The following EPHB1 variants were observed in gnomAD, a reference collection of about 807,000 sequenced individuals.
The protein encoded by EPHB1 is ephrin type-B receptor 1.
Under a neutral mutation model 94.4 loss-of-function variants are expected in EPHB1, and 30 were observed. That is an observed-to-expected ratio of 0.32 (90% confidence interval 0.24 to 0.43). The LOEUF (loss-of-function observed/expected upper bound fraction) is 0.43. EPHB1 is among the 20% of genes least tolerant of loss of function. EPHB1 has a pLI of 1.00. For missense variants in EPHB1, 1,055 were observed against 1,308.3 expected, an observed-to-expected ratio of 0.81 and a Z score of 2.99; for synonymous variants, 522 against 489.1, an observed-to-expected ratio of 1.07 and a Z score of -0.89.
chr3:134,893,581 T>C (rs1315463223), intron 1 of EPHB1, among the ~76,000 whole-genome samples: 1 of 152,182 alleles, frequency 6.6e-6, no homozygotes. Context: ...GCTCTGGACT[T>C]GCCCTTGCCT....
intron 3 of EPHB1, among the ~76,000 whole-genome samples, chr3:134,980,052 T>A (rs995001913): frequency 2.6e-5 from 4 of 152,248 alleles, no homozygotes; most frequent in African/African-American, 9.6e-5. Flanking sequence ...ATGGTAGTTT[T>A]TGACAGGGCA....
chr3:134,898,594 C>T (rs1278731699), intron 1 of EPHB1, among the ~76,000 whole-genome samples: 1 of 152,164 alleles, frequency 6.6e-6, no homozygotes, highest in African/African-American at 2.4e-5. Context: ...GGCTTCGGCA[C>T]AATCTGTAGT....
At chr3:134,946,443 C>G (rs566612737) in intron 2 of EPHB1, among the ~76,000 whole-genome samples, 1 of 152,194 alleles carries the variant, frequency 6.6e-6, no homozygotes, top group African/African-American at 2.4e-5. Context: ...TATCATGAGG[C>G]CTTTGTACCT....
chr3:134,995,061 C>T (rs1275246344), intron 3 of EPHB1, among the ~76,000 whole-genome samples: 3 of 151,840 alleles, frequency 2.0e-5, no homozygotes, highest in Non-Finnish European at 2.9e-5. Flanking sequence ...GTATGACTAC[C>T]GCCATAGTCA....
intron 14 of EPHB1, 126 bp from the exon 15 acceptor site, chr3:135,249,210 G>C (rs1485361914): frequency 4.5e-6 from 5 of 1,121,610 alleles, no homozygotes; most frequent in Non-Finnish European, 6.2e-6. Context: ...TTCAGCCCAG[G>C]GCTCCACTAT....
At chr3:135,089,450 ATTAATACCAACACAACT>A (rs1938479182) in intron 3 of EPHB1, among the ~76,000 whole-genome samples, 1 of 152,258 alleles carries the variant, frequency 6.6e-6, no homozygotes, top group African/African-American at 2.4e-5. Context: ...AACAATTGTT[ATTAATACCAACACAACT>A]TTACAACCAA....
chr3:135,016,683 G>T (rs1210886508), intron 3 of EPHB1, among the ~76,000 whole-genome samples: 1 of 152,198 alleles, frequency 6.6e-6, no homozygotes, highest in Non-Finnish European at 1.5e-5. Context: ...GGTCTGGCTG[G>T]CCAGGTGAGC....
At chr3:135,151,545 T>A (rs895449233) in intron 5 of EPHB1, among the ~76,000 whole-genome samples, 1 of 152,218 alleles carries the variant, frequency 6.6e-6, no homozygotes, top group African/African-American at 2.4e-5. Context: ...TTATGATTCA[T>A]TTATTAGCTC....
In EPHB1 at chr3:135,019,794, T is replaced by A. The variant is rs985016366; in HGVS notation, c.805+67742T>A. On this transcript the variant is annotated intron_variant, in intron 3 of 15. Transcript: ENST00000398015. ...TAACCATCTCCTCCTTTTTGAGCAT[T>A]TAAGTTATTTATAATTTGTGAATAT... Among the ~76,000 whole-genome samples the A allele has an allele frequency of 3.9e-5, 6 of 152,238 alleles. No individual in the cohort carries two copies. The South Asian group carries it at 1.2e-3, about 31-fold the overall frequency.
intron 3 of EPHB1, among the ~76,000 whole-genome samples, chr3:135,088,343 G>T (rs1407445077): frequency 6.6e-6 from 1 of 152,190 alleles, no homozygotes; most frequent in Non-Finnish European, 1.5e-5. Flanking sequence ...TTATCTCTGA[G>T]CCTCAGTATC....
intron 1 of EPHB1, among the ~76,000 whole-genome samples, chr3:134,901,665 G>A (rs2038207286): frequency 6.6e-6 from 1 of 152,240 alleles, no homozygotes; most frequent in East Asian, 1.9e-4. Flanking sequence ...CCAGGGGAAA[G>A]GAATGGTGGC....
chr3:134,956,821 T>G (rs16842360), intron 3 of EPHB1, among the ~76,000 whole-genome samples: 2,655 of 152,220 alleles, frequency 0.017, 83 homozygotes, highest in African/African-American at 0.06. Context: ...GAAAATAAGA[T>G]TCTGGAATGA....
intron 3 of EPHB1, among the ~76,000 whole-genome samples, chr3:134,963,133 TGC>T (rs1933589632): frequency 8.2e-6 from 1 of 122,178 alleles, no homozygotes; most frequent in Non-Finnish European, 1.8e-5. Context: ...TACCTTCTCT[TGC>T]TCCTTCCTTC....
At chr3:135,233,131 C>A (rs1943571084) in intron 12 of EPHB1, among the ~76,000 whole-genome samples, 1 of 152,214 alleles carries the variant, frequency 6.6e-6, no homozygotes, top group Admixed American at 6.5e-5. Flanking sequence ...CCCCCAAAAT[C>A]TTAACTCGTT....
chr3:135,059,220 A>T (rs1161331437), intron 3 of EPHB1, among the ~76,000 whole-genome samples: 1 of 152,134 alleles, frequency 6.6e-6, no homozygotes, highest in Non-Finnish European at 1.5e-5. Flanking sequence ...AGTAGAAAAA[A>T]TTTTACTACA....
intron 3 of EPHB1, among the ~76,000 whole-genome samples, chr3:134,957,738 G>T (rs1003295158): frequency 2.0e-5 from 3 of 152,168 alleles, no homozygotes; most frequent in Non-Finnish European, 4.4e-5. Context: ...AATGCCAGGG[G>T]TACCACTACT....
At chr3:135,117,096 G>A (rs1351112958) in intron 4 of EPHB1, among the ~76,000 whole-genome samples, 1 of 152,232 alleles carries the variant, frequency 6.6e-6, no homozygotes, top group Non-Finnish European at 1.5e-5. Context: ...TATCCACAAA[G>A]AGCAGAGGCT....
chr3:135,007,712 T>G (rs1457937454), intron 3 of EPHB1, among the ~76,000 whole-genome samples: 1 of 152,256 alleles, frequency 6.6e-6, no homozygotes, highest in Non-Finnish European at 1.5e-5. Flanking sequence ...GAGCACCTTC[T>G]CTTGGCTTCA....
At chr3:134,798,658 G>A (rs572204394) in intron 1 of EPHB1, among the ~76,000 whole-genome samples, 1 of 152,278 alleles carries the variant, frequency 6.6e-6, no homozygotes, top group African/African-American at 2.4e-5. Flanking sequence ...TTTGCTCAGC[G>A]TCCTGACAAA....
Sources: gnomAD v4.1 joint callset for allele counts (sites outside exome capture counted in the v4.1 genomes callset) on GRCh38, gnomAD v4.1.1 for gene constraint, MANE v1.5 for transcripts, NCBI Gene and HGNC (gene_info 2026-07-23, HGNC 2026-07-21) for gene names.